The following MSRA variants were observed in gnomAD, a reference collection of about 807,000 sequenced individuals.
MSRA encodes the protein methionine sulfoxide reductase A.
MSRA carries 54 observed loss-of-function variants against 31.3 expected under a neutral mutation model. The ratio of observed to expected loss-of-function variants is 1.73; its 90% CI spans 1.39 to 2.17. The LOEUF is 2.17. Ranked by LOEUF, MSRA falls within the 30% of genes most tolerant of loss-of-function variation. The probability of loss-of-function intolerance (pLI) is 0.00; values close to 1 mark genes in which losing one functional copy is unlikely to be tolerated. For synonymous variants in MSRA, 169 were observed against 116.5 expected (o/e 1.45, Z -2.90); for missense variants, 507 against 300.9 (o/e 1.69, Z -5.07).
intron 5 of MSRA, among the ~76,000 whole-genome samples, chr8:10,342,195 A>G (rs970589384): frequency 6.6e-6 from 1 of 152,182 alleles, no homozygotes; most frequent in Non-Finnish European, 1.5e-5. Flanking sequence ...CATGGGTCTC[A>G]CAAGCATGGC....
At chr8:10,184,198 T>C (rs1165745850) in intron 1 of MSRA, among the ~76,000 whole-genome samples, 2 of 151,298 alleles carry the variant, frequency 1.3e-5, no homozygotes, top group Non-Finnish European at 3.0e-5. Flanking sequence ...GGAGGTGGTG[T>C]TGTTGCCATT....
At chr8:10,200,542 G>C (rs1437181959) in intron 1 of MSRA, among the ~76,000 whole-genome samples, 1 of 152,166 alleles carries the variant, frequency 6.6e-6, no homozygotes, top group East Asian at 1.9e-4. Flanking sequence ...GCTGCTGGTT[G>C]TCGCTTGCCT....
intron 3 of MSRA, among the ~76,000 whole-genome samples, chr8:10,270,173 T>A (rs1018971156): frequency 1.3e-5 from 2 of 152,180 alleles, no homozygotes; most frequent in East Asian, 3.9e-4. Context: ...TGGAATATTA[T>A]CAGAAAAATG....
chr8:10,317,800 C>T (rs997660421), intron 4 of MSRA, among the ~76,000 whole-genome samples: 5 of 152,284 alleles, frequency 3.3e-5, no homozygotes, highest in African/African-American at 1.2e-4. Context: ...ACACTTGTTG[C>T]ATCTGTGGGA....
rs1345920224 is a variant in MSRA, at chr8:10,301,572, C to G, written c.370C>G (p.Gln124Glu). The change falls in exon 4 of 6, where the codon CAG becomes GAG. Residue 124 changes from glutamine (Q) to glutamate (E), a missense_variant. Physicochemically the swap from Gln to Glu is conservative, Grantham distance 29 (BLOSUM62 2). Coordinates refer to ENST00000317173, the MANE Select transcript of MSRA (RefSeq NM_012331.5). ...TGCAGAAGTCGTCCGAGTGGTGTAC[C>G]AGCCAGAACACATGAGTTTTGAGGA... ...GHAEVVRVVY[Q>E]PEHMSFEELL... 6.2e-7 allele frequency: 1 copy of G among 1,613,846 alleles called. No individual in the cohort carries two copies. Among genetic ancestry groups the G allele is most frequent in the South Asian group, 1.1e-5 (1 of 91,068 alleles).
chr8:10,412,587 A>G (rs1808222384), intron 5 of MSRA, among the ~76,000 whole-genome samples: 1 of 152,246 alleles, frequency 6.6e-6, no homozygotes, highest in African/African-American at 2.4e-5. Flanking sequence ...GAGAACCCTC[A>G]AAATTCAACA....
intron 5 of MSRA, among the ~76,000 whole-genome samples, chr8:10,326,139 AG>A (rs1163919477): frequency 6.6e-6 from 1 of 152,134 alleles, no homozygotes; most frequent in Non-Finnish European, 1.5e-5. Context: ...ATGTTGACTT[AG>A]GTTACTAATT....
intron 1 of MSRA, among the ~76,000 whole-genome samples, chr8:10,077,449 T>C (rs1798048256): frequency 6.6e-6 from 1 of 151,938 alleles, no homozygotes; most frequent in Non-Finnish European, 1.5e-5. Context: ...TTTGTCATTT[T>C]ATACATGGAT....
At chr8:10,307,634 C>A (rs186034164) in intron 4 of MSRA, among the ~76,000 whole-genome samples, 1 of 152,200 alleles carries the variant, frequency 6.6e-6, no homozygotes, top group African/African-American at 2.4e-5. Context: ...AACTATTGTA[C>A]ACATAATGCA....
At chr8:10,095,970 A>G (rs1799132651) in intron 1 of MSRA, 1 of 1,389,444 alleles carries the variant, frequency 7.2e-7, no homozygotes, top group South Asian at 1.8e-5. Flanking sequence ...TTTCTACAAA[A>G]TAAAGTTTGT....
intron 1 of MSRA, among the ~76,000 whole-genome samples, chr8:10,192,668 A>G (rs775122640): frequency 1.4e-4 from 22 of 152,184 alleles, no homozygotes; most frequent in Non-Finnish European, 3.1e-4. Flanking sequence ...CTTTTCCCCT[A>G]TCCTAGCTTG....
chr8:10,084,652 TTGATG>T (rs1798462786), intron 1 of MSRA, among the ~76,000 whole-genome samples: 1 of 152,140 alleles, frequency 6.6e-6, no homozygotes, highest in Non-Finnish European at 1.5e-5. Context: ...AAAAATGGGG[TTGATG>T]ATACCCTGAT....
At chr8:10,231,024 A>G (rs1811429452) in intron 2 of MSRA, among the ~76,000 whole-genome samples, 1 of 152,138 alleles carries the variant, frequency 6.6e-6, no homozygotes, top group Admixed American at 6.5e-5. Context: ...ACCTCAGGTG[A>G]TTCCCCCCAC....
intron 1 of MSRA, among the ~76,000 whole-genome samples, chr8:10,178,949 T>A (rs1318495988): frequency 1.3e-5 from 2 of 152,174 alleles, no homozygotes; most frequent in Non-Finnish European, 2.9e-5. Flanking sequence ...ATTTTGTTGG[T>A]TTTCTGTTTT....
At chr8:10,326,802 T>C (rs1802388881) in intron 5 of MSRA, among the ~76,000 whole-genome samples, 1 of 152,200 alleles carries the variant, frequency 6.6e-6, no homozygotes, top group African/African-American at 2.4e-5. Context: ...TATGGACAAT[T>C]TATCTCCCAA....
chr8:10,417,804 G>T (rs915575208), intron 5 of MSRA, among the ~76,000 whole-genome samples: 10 of 143,260 alleles, frequency 7.0e-5, no homozygotes, highest in East Asian at 2.4e-4. Flanking sequence ...GTGTGCACAC[G>T]CAGGACAAGC....
chr8:10,203,505 A>C (rs2129058198), intron 1 of MSRA, among the ~76,000 whole-genome samples: 1 of 152,344 alleles, frequency 6.6e-6, no homozygotes, highest in Non-Finnish European at 1.5e-5. Context: ...GATTTTTATC[A>C]CCTAGTGACA....
chr8:10,253,892 A>G (rs1394133121), intron 3 of MSRA, among the ~76,000 whole-genome samples: 1 of 152,074 alleles, frequency 6.6e-6, no homozygotes, highest in Non-Finnish European at 1.5e-5. Flanking sequence ...ATCTGGGTCA[A>G]TTACTGGCCC....
At chr8:10,257,944 C>T (rs559430336) in intron 3 of MSRA, among the ~76,000 whole-genome samples, 30 of 152,250 alleles carry the variant, frequency 2.0e-4, no homozygotes, top group Admixed American at 1.6e-3. Flanking sequence ...CATGAGATTT[C>T]CACACACACA....
Sources: gnomAD v4.1 joint callset for allele counts (sites outside exome capture counted in the v4.1 genomes callset) on GRCh38, gnomAD v4.1.1 for gene constraint, MANE v1.5 for transcripts, NCBI Gene and HGNC (gene_info 2026-07-23, HGNC 2026-07-21) for gene names.